The following ARID3A variants were observed in gnomAD, a reference collection of about 807,000 sequenced individuals.
ARID3A encodes the protein AT-rich interactive domain-containing protein 3A.
In ARID3A, 11 loss-of-function variants were observed where a neutral mutation model predicts 52.7. That is an observed-to-expected ratio of 0.21 (90% CI 0.13 to 0.35). The LOEUF is 0.35. Among genes scored for constraint, ARID3A ranks in the 10% least tolerant of loss-of-function variants. The probability of loss-of-function intolerance (pLI) is 1.00; values close to 1 mark genes in which losing one functional copy is unlikely to be tolerated. For synonymous variants in ARID3A, 404 were observed against 359.4 expected (o/e 1.12, Z -1.40); for missense variants, 721 against 838.5 (o/e 0.86, Z 1.73).
At chr19:958,538 A>G (rs1325911908) in intron 3 of ARID3A, among the ~76,000 whole-genome samples, 2 of 152,166 alleles carry the variant, frequency 1.3e-5, no homozygotes, top group Admixed American at 6.5e-5. Flanking sequence ...GAACTTACTG[A>G]CATACAATCA....
At chr19:930,677 C>CT (rs1568354522) in intron 2 of ARID3A, among the ~76,000 whole-genome samples, 5 of 150,292 alleles carry the variant, frequency 3.3e-5, no homozygotes. Flanking sequence ...GCCTGGCTAA[C>CT]TTTTTGTATT....
chr19:945,860 G>C (rs1019858721), intron 3 of ARID3A, among the ~76,000 whole-genome samples: 6 of 152,126 alleles, frequency 3.9e-5, no homozygotes, highest in East Asian at 3.9e-4. Flanking sequence ...TGATGGGACC[G>C]CAGTCTCCCA....
intron 3 of ARID3A, among the ~76,000 whole-genome samples, chr19:950,111 C>CCCCAGAGTGAACGGATGGATGAGGCCGTG (rs1568364898): frequency 8.8e-4 from 19 of 21,514 alleles, no homozygotes; most frequent in African/African-American, 2.6e-3. Context: ...ATGAGGCCGT[C>CCCCAGAGTGAACGGATGGATGAGGCCGTG]CCCAGAGTGA....
At chr19:948,551 C>T (rs937627979) in intron 3 of ARID3A, among the ~76,000 whole-genome samples, 3 of 152,118 alleles carry the variant, frequency 2.0e-5, no homozygotes, top group Non-Finnish European at 4.4e-5. Flanking sequence ...CCAGGTCCTC[C>T]AGGTCCTCCT....
In ARID3A at chr19:975,054, C is replaced by T. The variant is rs1022114310; in HGVS notation, c.*2989C>T. 6.9e-5 allele frequency: 16 copies of T among 232,248 alleles called. No individual in the cohort carries two copies. Among genetic ancestry groups the T allele is most frequent in the African/African-American group, 1.1e-4 (5 of 45,258 alleles). 14.4% of individuals were successfully genotyped at this position (232,248 alleles called of 1,614,324 possible). ...TGCCTCAGGTGGCCCCGTTCAACCC[C>T]AGCCGTGCCCATCTCCTGCCACCGC... is the stretch of plus-strand genomic sequence containing the variant. On this transcript the variant is annotated 3_prime_UTR_variant, in exon 9 of 9. Transcript: ENST00000263620.
chr19:952,491 G>A (rs1217721523), intron 3 of ARID3A, among the ~76,000 whole-genome samples: 4 of 143,162 alleles, frequency 2.8e-5, no homozygotes, highest in Admixed American at 7.0e-5. Context: ...CTCTTCTTCT[G>A]ACATCTCTCT....
At chr19:949,676 CTT>C (rs71335322) in intron 3 of ARID3A, among the ~76,000 whole-genome samples, 5 of 123,790 alleles carry the variant, frequency 4.0e-5, no homozygotes, top group Admixed American at 8.6e-5. Flanking sequence ...CTGATTCTGT[CTT>C]TTTTTTTTTT....
Position 929,914 on chromosome 19 carries a change from G to T in ARID3A, c.368+18G>T. 6.5e-7 allele frequency: 1 copy of T among 1,538,368 alleles called. No individual in the cohort carries two copies. On this transcript the variant is annotated intron_variant, in intron 2 of 8. Coordinates refer to ENST00000263620, the MANE Select transcript of ARID3A (RefSeq NM_005224.3). The surrounding 1 kb of genome is among the most constrained non-coding windows in gnomAD (Gnocchi z 6.2). ...GAGGACATGTGAGTTGGGGTCTGGG[G>T]CAGGGCCTTCTGGGGGCTGTTACTG...
In ARID3A at chr19:964,191, C is replaced by T. The variant is rs1038487599; in HGVS notation, c.767-57C>T. 33 of 1,482,786 alleles carry T rather than the reference C, an allele frequency of 2.2e-5. No individual in the cohort carries two copies. Among genetic ancestry groups the T allele is most frequent in the Non-Finnish European group, 2.7e-5 (29 of 1,081,140 alleles). The allele number at this position is 1,482,786 out of a possible 1,614,324, so 91.9% of individuals were successfully genotyped here. ...CATGGAGAGGGCGGAGGCCAGGACACTCGGCTCCCTGCAGTGCCCAGGTGG... is the reference window on the plus strand; with the variant it reads ...CATGGAGAGGGCGGAGGCCAGGACATTCGGCTCCCTGCAGTGCCCAGGTGG... On this transcript the variant is annotated intron_variant, in intron 4 of 8. Transcript: ENST00000263620. The surrounding 1 kb of genome is among the most constrained non-coding windows in gnomAD (Gnocchi z 5.7).
At position 941,511 on chromosome 19, in the gene ARID3A, C is replaced by A. The variant is rs2037554813; in HGVS notation, c.693+8769C>A. Among the ~76,000 whole-genome samples the A allele has an allele frequency of 6.6e-6, 1 of 152,206 alleles. No homozygotes were observed. Among genetic ancestry groups the A allele is most frequent in the South Asian group, 2.1e-4 (1 of 4,832 alleles). ...TGTGCCGAGTGACGTGGCAAACTTC[C>A]CACGTCCCTGTTTTGCGTGGACCTG... On this transcript the variant is annotated intron_variant, in intron 3 of 8. Transcript: ENST00000263620. This position sits in a 1 kb window ranked among gnomAD's most constrained non-coding sequence, Gnocchi z 6.9.
At chr19:971,487 G>T (rs960562885) in intron 8 of ARID3A, among the ~76,000 whole-genome samples, 1 of 152,044 alleles carries the variant, frequency 6.6e-6, no homozygotes, top group South Asian at 2.1e-4. Flanking sequence ...GCAGGCGCCT[G>T]TAGTTAGTCC....
At chr19:955,639 C>T (rs1289788924) in intron 3 of ARID3A, among the ~76,000 whole-genome samples, 2 of 152,126 alleles carry the variant, frequency 1.3e-5, no homozygotes, top group Admixed American at 6.5e-5. Context: ...TTCTCACACA[C>T]TCTATTTGAG....
chr19:946,842 G>A (rs1237960796), intron 3 of ARID3A, among the ~76,000 whole-genome samples: 1 of 151,568 alleles, frequency 6.6e-6, no homozygotes, highest in Non-Finnish European at 1.5e-5. Flanking sequence ...TGCCCAGGCT[G>A]GAGTGCAGTG....
In ARID3A at chr19:975,658, C is replaced by A. The variant is rs1347460664; in HGVS notation, c.*3593C>A. 1.9e-5 allele frequency: 4 copies of A among 208,880 alleles called. No individual in the cohort carries two copies. Among genetic ancestry groups the A allele is most frequent in the African/African-American group, 9.2e-5 (4 of 43,476 alleles). 12.9% of individuals were successfully genotyped at this position (208,880 alleles called of 1,614,324 possible). A position where few individuals can be genotyped will look rare whatever the true frequency, so the allele number is the denominator to read the frequency against. The stretch of plus-strand genomic sequence containing the variant: ...AAACTACTCTCTACCTCTGGCTGGG[C>A]CCAGCCTGTCTCGCCCTGGCCGCGG... On this transcript the variant is annotated 3_prime_UTR_variant, in exon 9 of 9. Coordinates refer to ENST00000263620, the MANE Select transcript of ARID3A (RefSeq NM_005224.3).
At chr19:949,320 C>T (rs368708536) in intron 3 of ARID3A, among the ~76,000 whole-genome samples, 15 of 152,126 alleles carry the variant, frequency 9.9e-5, no homozygotes, top group East Asian at 9.7e-4. Context: ...GAGCAGCAGC[C>T]GCAGGTGCTG....
chr19:926,509 A>T (rs1426977975), intron 1 of ARID3A, among the ~76,000 whole-genome samples: 1 of 151,154 alleles, frequency 6.6e-6, no homozygotes, highest in African/African-American at 2.4e-5. Flanking sequence ...CTGCACCCCG[A>T]TATTTTATTT....
rs2038111606 is a variant in ARID3A, at chr19:964,752, T to C, written c.951-81T>C. The C allele has an allele frequency of 6.5e-7, 1 of 1,527,914 alleles. No homozygotes were observed. The highest frequency in any genetic ancestry group is 8.8e-7 in the Non-Finnish European group (1 of 1,133,720). 94.6% of individuals were successfully genotyped at this position (1,527,914 alleles called of 1,614,324 possible). A position where few individuals can be genotyped will look rare whatever the true frequency, so the allele number is the denominator to read the frequency against. On this transcript the variant is annotated intron_variant, in intron 5 of 8. Coordinates refer to ENST00000263620, the MANE Select transcript of ARID3A (RefSeq NM_005224.3). The surrounding 1 kb of genome is among the most constrained non-coding windows in gnomAD (Gnocchi z 5.7). ...AGAACCAGGGATGGTGGTGCCACAG[T>C]GGGGTTTACTTTGTACTGAAGGCCA... is the stretch of plus-strand genomic sequence containing the variant.
intron 3 of ARID3A, among the ~76,000 whole-genome samples, chr19:943,555 G>A (rs868802299): frequency 6.6e-5 from 10 of 151,654 alleles, no homozygotes; most frequent in Non-Finnish European, 1.3e-4. Context: ...GTGACAGAGC[G>A]AGACTCTGTC....
chr19:968,318 C>T (rs8105235), intron 7 of ARID3A, 87 bp from the exon 8 acceptor site: 811,305 of 1,123,290 alleles, frequency 0.72, 298,045 homozygotes, highest in Non-Finnish European at 0.77. Flanking sequence ...GAGATCGCGC[C>T]ACTGCACTCC....
Sources: allele counts gnomAD v4.1 joint callset (sites outside exome capture counted in the v4.1 genomes callset), GRCh38; gene constraint gnomAD v4.1.1; non-coding constraint Gnocchi (gnomAD v3.1); transcripts MANE v1.5; gene names NCBI Gene and HGNC (gene_info 2026-07-23, HGNC 2026-07-21).